The following CDH12 variants were observed in gnomAD, a reference collection of about 807,000 sequenced individuals.
The protein encoded by CDH12 is cadherin-12.
In CDH12, 41 loss-of-function variants were observed where a neutral mutation model predicts 74.1. That is an observed-to-expected ratio of 0.55 (90% CI 0.43 to 0.72). The LOEUF (loss-of-function observed/expected upper bound fraction) is 0.72. CDH12 is among the 30% of genes least tolerant of loss of function. CDH12 has a pLI of 0.00. For synonymous variants in CDH12, 399 were observed against 355.0 expected, an observed-to-expected ratio of 1.12 and a Z score of -1.39; for missense variants, 945 against 977.2, an observed-to-expected ratio of 0.97 and a Z score of 0.44.
At position 22,146,989 on chromosome 5, in the gene CDH12, A is replaced by G. The variant is rs565125376; in HGVS notation, c.-187+65509T>C. Among the ~76,000 whole-genome samples the G allele has an allele frequency of 1.9e-4, 29 of 152,292 alleles. No individual in the cohort carries two copies. In the East Asian group the frequency reaches 5.4e-3, roughly 28 times the overall value. Reference sequence around the variant, plus strand: ...GACATATTGTTTATTGCAAATGGACATATATTATAAATGTATATACAGACA... The same window carrying G: ...GACATATTGTTTATTGCAAATGGACGTATATTATAAATGTATATACAGACA... On this transcript the variant is annotated intron_variant, in intron 4 of 14. Coordinates refer to ENST00000382254, the MANE Select transcript of CDH12 (RefSeq NM_004061.5).
intron 1 of CDH12, among the ~76,000 whole-genome samples, chr5:22,545,870 TTTTTTC>T (rs1292210411): frequency 6.6e-6 from 1 of 152,210 alleles, no homozygotes; most frequent in East Asian, 1.9e-4. Flanking sequence ...CAGTACTTAC[TTTTTTC>T]TTTAAGTATG....
intron 1 of CDH12, among the ~76,000 whole-genome samples, chr5:22,574,052 TA>T (rs1739662713): frequency 6.6e-6 from 1 of 151,290 alleles, no homozygotes; most frequent in Admixed American, 6.6e-5. Flanking sequence ...TTTTCATGGA[TA>T]CTTTTCTCTG....
intron 3 of CDH12, among the ~76,000 whole-genome samples, chr5:22,312,620 TAGAC>T (rs1053913866): frequency 3.9e-5 from 6 of 152,210 alleles, no homozygotes; most frequent in African/African-American, 1.2e-4. Context: ...GTACATAAGT[TAGAC>T]AGTTAAAAAG....
intron 6 of CDH12, among the ~76,000 whole-genome samples, chr5:21,875,896 ATT>A (rs34435511): frequency 1.5e-5 from 2 of 136,832 alleles, no homozygotes; most frequent in African/African-American, 5.5e-5. Context: ...CTTTGCGGGC[ATT>A]TTTTTTTTTT....
chr5:22,595,216 T>C (rs1736543603), intron 1 of CDH12, among the ~76,000 whole-genome samples: 1 of 152,208 alleles, frequency 6.6e-6, no homozygotes, highest in African/African-American at 2.4e-5. Flanking sequence ...GAAATTCATC[T>C]TTATGATCAA....
At chr5:22,035,191 T>C (rs1418810714) in intron 5 of CDH12, among the ~76,000 whole-genome samples, 13 of 152,124 alleles carry the variant, frequency 8.5e-5, no homozygotes, top group Admixed American at 7.2e-4. Context: ...TCACCATGAG[T>C]GTCTGGGTCT....
chr5:22,088,152 A>G (rs961989031), intron 4 of CDH12, among the ~76,000 whole-genome samples: 6 of 152,238 alleles, frequency 3.9e-5, no homozygotes, highest in Admixed American at 3.9e-4. Context: ...CATTCTACAC[A>G]GCAAAGCAGC....
intron 11 of CDH12, among the ~76,000 whole-genome samples, chr5:21,766,044 C>T (rs1315696965): frequency 6.6e-6 from 1 of 151,918 alleles, no homozygotes; most frequent in East Asian, 1.9e-4. Context: ...CATACCTTCT[C>T]CATTGATTGG....
intron 1 of CDH12, among the ~76,000 whole-genome samples, chr5:22,780,575 A>G (rs1289867093): frequency 6.6e-6 from 1 of 152,128 alleles, no homozygotes; most frequent in African/African-American, 2.4e-5. Flanking sequence ...TCTTGTGAGA[A>G]CTCATTCACT....
At chr5:22,562,092 C>T (rs1419878966) in intron 1 of CDH12, among the ~76,000 whole-genome samples, 1 of 151,988 alleles carries the variant, frequency 6.6e-6, no homozygotes, top group Admixed American at 6.5e-5. Flanking sequence ...CCGAGGCGGG[C>T]GGATCATGAG....
At chr5:22,163,222 G>C (rs959707291) in intron 4 of CDH12, among the ~76,000 whole-genome samples, 1 of 152,020 alleles carries the variant, frequency 6.6e-6, no homozygotes, top group South Asian at 2.1e-4. Context: ...TTCAGTCCTC[G>C]GCCCTCGTTT....
At chr5:22,524,668 C>G (rs1324282280) in intron 1 of CDH12, among the ~76,000 whole-genome samples, 1 of 152,134 alleles carries the variant, frequency 6.6e-6, no homozygotes, top group Non-Finnish European at 1.5e-5. Flanking sequence ...TGGAATAGAC[C>G]ATGCTACATA....
At position 21,755,625 on chromosome 5, in the gene CDH12, C is replaced by A. The variant is rs1336779509; in HGVS notation, c.1851G>T (p.Leu617Phe). 6.2e-7 allele frequency: 1 copy of A among 1,613,984 alleles called. No individual in the cohort carries two copies. The highest frequency in any genetic ancestry group is 2.2e-5 in the East Asian group (1 of 44,860). Residue 617 changes from leucine to phenylalanine, a missense_variant, in exon 14 of 15, where the codon TTG becomes TTT. By Grantham distance (22) the Leu-to-Phe change is conservative. This residue lies in a region of CDH12 where 791 missense variants were observed against 792.8 expected (regional missense o/e 1.00). Transcript: ENST00000382254. Reference sequence around the variant, plus strand: ...TAACAATGCATAGTAGAATTGCAATCAACGCCCCAGTGCTAAGTCCTACAG... The same window carrying A: ...TAACAATGCATAGTAGAATTGCAATAAACGCCCCAGTGCTAAGTCCTACAG... ...FLPVGLSTGALIAILLCIVIL... is the reference protein window; with the variant it reads ...FLPVGLSTGAFIAILLCIVIL...
intron 6 of CDH12, among the ~76,000 whole-genome samples, chr5:21,882,025 C>A (rs1358536565): frequency 1.3e-5 from 2 of 152,116 alleles, no homozygotes; most frequent in Admixed American, 6.6e-5. Context: ...AAGCGTTTTA[C>A]TAAAATGAAA....
At chr5:22,501,840 T>C (rs1736166397) in intron 2 of CDH12, among the ~76,000 whole-genome samples, 2 of 151,944 alleles carry the variant, frequency 1.3e-5, no homozygotes, top group East Asian at 1.9e-4. Context: ...AAGACTCAAA[T>C]CCACTCCTGG....
At chr5:21,972,878 T>G (rs1271803842) in intron 6 of CDH12, among the ~76,000 whole-genome samples, 1 of 151,724 alleles carries the variant, frequency 6.6e-6, no homozygotes, top group African/African-American at 2.4e-5. Context: ...AAATTTCACA[T>G]TCAAAAGAAA....
intron 4 of CDH12, among the ~76,000 whole-genome samples, chr5:22,204,407 C>G (rs576009752): frequency 6.6e-6 from 1 of 152,138 alleles, no homozygotes; most frequent in Non-Finnish European, 1.5e-5. Context: ...ATGATCCGCC[C>G]GCCTCGGCCT....
intron 2 of CDH12, among the ~76,000 whole-genome samples, chr5:22,456,043 T>C (rs1745251495): frequency 6.6e-6 from 1 of 151,566 alleles, no homozygotes; most frequent in Non-Finnish European, 1.5e-5. Context: ...AGCCAGTGAA[T>C]AGTGAGCAAA....
At chr5:22,783,347 G>A (rs921508592) in intron 1 of CDH12, among the ~76,000 whole-genome samples, 5 of 152,074 alleles carry the variant, frequency 3.3e-5, no homozygotes, top group Non-Finnish European at 7.3e-5. Flanking sequence ...TGAGATGAAT[G>A]GTAATGAGTT....
Sources: allele counts gnomAD v4.1 joint callset (sites outside exome capture counted in the v4.1 genomes callset), GRCh38; gene constraint gnomAD v4.1.1; regional missense constraint gnomAD v4.1.1; transcripts MANE v1.5; gene names NCBI Gene and HGNC (gene_info 2026-07-23, HGNC 2026-07-21).